TGS1: variants seen among roughly 807,000 people sequenced by gnomAD.
TGS1 encodes the protein trimethylguanosine synthase.
A neutral mutation model predicts 92.2 loss-of-function variants in TGS1; 69 were observed. That is an observed-to-expected ratio of 0.75 (90% CI 0.62 to 0.91). The LOEUF (loss-of-function observed/expected upper bound fraction) is 0.91. TGS1 is among the 40% of genes least tolerant of loss of function. The pLI, the probability that TGS1 is intolerant of heterozygous loss-of-function variation, is 0.00. For synonymous variants in TGS1, 345 were observed against 338.1 expected (o/e 1.02, Z -0.22); for missense variants, 1,062 against 1,001.2 (o/e 1.06, Z -0.82).
At chr8:55,807,223 C>T (rs376927174) in intron 10 of TGS1, among the ~76,000 whole-genome samples, 1 of 152,044 alleles carries the variant, frequency 6.6e-6, no homozygotes, top group African/African-American at 2.4e-5. Flanking sequence ...CCACCACGCC[C>T]GGCCATTTAA....
intron 9 of TGS1, 116 bp from the exon 10 acceptor site, chr8:55,804,777 A>AAAAGGGAAACTAAGCTTTTT: frequency 1.4e-6 from 1 of 709,242 alleles, no homozygotes; most frequent in South Asian, 3.3e-5. Flanking sequence ...ATAATTTTTT[A>AAAAGGGAAACTAAGCTTTTT]AAAAGGGAAA....
rs1240383974 is a variant in TGS1 at position 55,826,274 on chromosome 8, C to T, written c.*1571C>T. Among the ~76,000 whole-genome samples, 3 of 152,102 alleles carry T rather than the reference C, an allele frequency of 2.0e-5. No homozygotes were observed. Among genetic ancestry groups the T allele is most frequent in the Non-Finnish European group, 4.4e-5 (3 of 68,028 alleles). ...CTTGCATATACTTCTTTCCACAGCT[C>T]ATTTTCTTACTTGTATATTAATAAA... is the stretch of plus-strand genomic sequence containing the variant. On this transcript the variant is annotated 3_prime_UTR_variant, in exon 13 of 13. Coordinates refer to ENST00000260129, the MANE Select transcript of TGS1 (RefSeq NM_024831.8).
At position 55,825,003 on chromosome 8, in the gene TGS1, G is replaced by A. The variant is rs143680928; in HGVS notation, c.*300G>A. ...GTGCCATGATCACAGCTCACTGCAG[G>A]TTCAGCCTTCTGAGTTCAAGCAATC... On this transcript the variant is annotated 3_prime_UTR_variant, in exon 13 of 13. Coordinates refer to ENST00000260129, the MANE Select transcript of TGS1 (RefSeq NM_024831.8). 8.7e-3 allele frequency: 1,947 copies of A among 224,780 alleles called. 12 individuals carry two copies. Among genetic ancestry groups the A allele is most frequent in the Non-Finnish European group, 0.013 (1,481 of 113,948 alleles). The allele number at this position is 224,780 out of a possible 1,614,324, so 13.9% of individuals were successfully genotyped here.
At position 55,773,665 on chromosome 8, in the gene TGS1, T is replaced by C. The variant is rs1818; in HGVS notation, c.47T>C (p.Ile16Thr). ...WSRVAEMFLF[I>T]EEREDCKILC... ...CGCGTGGCGGAAATGTTTCTCTTCA[T>C]TGAGGAGCGGGAGGATTGTAAGATA... Residue 16 changes from isoleucine to threonine, a missense_variant, in exon 1 of 13, where the codon ATT (isoleucine) becomes ACT (threonine). Physicochemically the swap from Ile to Thr is moderately conservative, Grantham distance 89. Transcript: ENST00000260129. 0.88 allele frequency: 1,417,793 copies of C among 1,610,336 alleles called. 625,482 individuals carry two copies. Among genetic ancestry groups the C allele is most frequent in the East Asian group, 0.99 (44,270 of 44,504 alleles).
intron 12 of TGS1, among the ~76,000 whole-genome samples, chr8:55,823,502 A>C (rs1028706801): frequency 1.3e-5 from 2 of 152,214 alleles, no homozygotes; most frequent in African/African-American, 4.8e-5. Context: ...TGTTGTAGAA[A>C]GCATTTAAAA....
intron 1 of TGS1, among the ~76,000 whole-genome samples, chr8:55,780,971 A>C (rs1411418060): frequency 6.6e-6 from 1 of 152,158 alleles, no homozygotes; most frequent in African/African-American, 2.4e-5. Context: ...AAGATGACCC[A>C]GGTTTATCTT....
intron 1 of TGS1, among the ~76,000 whole-genome samples, chr8:55,775,820 CT>C (rs1254480870): frequency 6.6e-6 from 1 of 151,976 alleles, no homozygotes; most frequent in Non-Finnish European, 1.5e-5. Flanking sequence ...GGGGACCCAC[CT>C]TTGAGGAATT....
At position 55,824,929 on chromosome 8, in the gene TGS1, A is replaced by AT. The variant is rs902820960; in HGVS notation, c.*235dup. 533 of 423,776 alleles carry AT rather than the reference A, an allele frequency of 1.3e-3. 1 individual carries two copies. Among genetic ancestry groups the AT allele is most frequent in the Middle Eastern group, 2.1e-3 (3 of 1,402 alleles). 26.3% of individuals were successfully genotyped at this position (423,776 alleles called of 1,614,324 possible). A position where few individuals can be genotyped will look rare whatever the true frequency, so the allele number is the denominator to read the frequency against. ...AATATATATGAGTCCTTTGTAATTT[A>AT]TTTTTTTTTGAGACAGGATCTCACT... On this transcript the variant is annotated 3_prime_UTR_variant, in exon 13 of 13. Coordinates refer to ENST00000260129, the MANE Select transcript of TGS1 (RefSeq NM_024831.8).
intron 10 of TGS1, among the ~76,000 whole-genome samples, chr8:55,806,844 T>C (rs1197858574): frequency 6.6e-6 from 1 of 152,220 alleles, no homozygotes; most frequent in East Asian, 1.9e-4. Context: ...AGGAGAGTAT[T>C]GAACAGTGGA....
At chr8:55,817,412 T>G (rs745828920) in intron 12 of TGS1, among the ~76,000 whole-genome samples, 1 of 152,178 alleles carries the variant, frequency 6.6e-6, no homozygotes, top group African/African-American at 2.4e-5. Context: ...TGAATTTGAA[T>G]AAATATGAAA....
In TGS1 at chr8:55,824,836, A is replaced by G; in HGVS notation, c.*133A>G. On this transcript the variant is annotated 3_prime_UTR_variant, in exon 13 of 13. Transcript: ENST00000260129. The stretch of plus-strand genomic sequence containing the variant: ...ATCACCGTATGAAATGGAAACTTAC[A>G]GGACTTAAATATCAGTGAAATATTT... 1 of 997,712 alleles carries G rather than the reference A, an allele frequency of 1.0e-6. No individual in the cohort carries two copies. Among genetic ancestry groups the G allele is most frequent in the Non-Finnish European group, 1.5e-6 (1 of 687,552 alleles). 61.8% of individuals were successfully genotyped at this position (997,712 alleles called of 1,614,324 possible).
chr8:55,824,396 C>G (rs906206158), intron 12 of TGS1, among the ~76,000 whole-genome samples, 185 bp from the exon 13 acceptor site: 1 of 152,158 alleles, frequency 6.6e-6, no homozygotes, highest in South Asian at 2.1e-4. Flanking sequence ...TCTGAAACAA[C>G]AAGTATTCCC....
At position 55,786,882 on chromosome 8, in the gene TGS1, A is replaced by C. The variant is rs144255211; in HGVS notation, c.984A>C (p.Ser328=). 1.9e-6 allele frequency: 3 copies of C among 1,614,196 alleles called. No individual in the cohort carries two copies. Among genetic ancestry groups the C allele is most frequent in the Non-Finnish European group, 2.5e-6 (3 of 1,180,006 alleles). The change falls in exon 4 of 13, where the codon TCA becomes TCC. Residue 328 remains serine, a synonymous_variant. Coordinates refer to ENST00000260129, the MANE Select transcript of TGS1 (RefSeq NM_024831.8). The stretch of plus-strand genomic sequence containing the variant: ...GAATTAGTAACATAAAACTGAATTC[A>C]GAGGAAGTAACACAGAGCCAATTAG... ...LDGISNIKLN[S]EEVTQSQLDS... is the part of the protein sequence containing the mutation.
rs537524723 is a variant in TGS1 at position 55,797,316 on chromosome 8, A to G, written c.1542+1164A>G. Reference sequence around the variant, plus strand: ...TCATAAGAACTAACTCACCATCACAAGAAGAGAGTGGGAGAAACTGCCCCC... The same window carrying G: ...TCATAAGAACTAACTCACCATCACAGGAAGAGAGTGGGAGAAACTGCCCCC... On this transcript the variant is annotated intron_variant, in intron 7 of 12. Transcript: ENST00000260129. Among the ~76,000 whole-genome samples the G allele has an allele frequency of 2.6e-5, 4 of 152,274 alleles. No individual in the cohort carries two copies. The South Asian group carries it at 8.3e-4, about 32-fold the overall frequency.
At position 55,826,122 on chromosome 8, in the gene TGS1, T is replaced by C. The variant is rs1803787512; in HGVS notation, c.*1419T>C. Reference sequence around the variant, plus strand: ...ACCTCAGCCTCCCGTAGTTCTGGGATTACAGGCGTGAGCCACCGCGCCTGG... The same window carrying C: ...ACCTCAGCCTCCCGTAGTTCTGGGACTACAGGCGTGAGCCACCGCGCCTGG... On this transcript the variant is annotated 3_prime_UTR_variant, in exon 13 of 13. Transcript: ENST00000260129. 6.6e-6 allele frequency among the ~76,000 whole-genome samples: 1 copy of C among 152,248 alleles called. No individual in the cohort carries two copies. Among genetic ancestry groups the C allele is most frequent in the Non-Finnish European group, 1.5e-5 (1 of 68,022 alleles).
intron 8 of TGS1, among the ~76,000 whole-genome samples, chr8:55,800,572 A>G (rs540851799): frequency 2.6e-5 from 4 of 152,344 alleles, no homozygotes; most frequent in African/African-American, 9.6e-5. Context: ...CATTTGGAAG[A>G]TGCTGGTTGT....
At chr8:55,790,670 C>G (rs898948183) in intron 5 of TGS1, among the ~76,000 whole-genome samples, 1 of 152,044 alleles carries the variant, frequency 6.6e-6, no homozygotes, top group Non-Finnish European at 1.5e-5. Flanking sequence ...GCATGTGCCA[C>G]CACTCCTGGT....
intron 10 of TGS1, among the ~76,000 whole-genome samples, chr8:55,805,931 G>C (rs1043011621): frequency 3.4e-5 from 5 of 149,168 alleles, no homozygotes; most frequent in African/African-American, 1.2e-4. Context: ...GCGTGGTGGT[G>C]TGTGCCTATA....
At chr8:55,818,059 A>G (rs950364588) in intron 12 of TGS1, among the ~76,000 whole-genome samples, 2 of 152,234 alleles carry the variant, frequency 1.3e-5, no homozygotes, top group African/African-American at 4.8e-5. Flanking sequence ...ACACAGCGAC[A>G]GTCTTATTAC....
Sources: gnomAD v4.1 joint callset for allele counts (sites outside exome capture counted in the v4.1 genomes callset) on GRCh38, gnomAD v4.1.1 for gene constraint, MANE v1.5 for transcripts, NCBI Gene and HGNC (gene_info 2026-07-23, HGNC 2026-07-21) for gene names.